Variants in ZNF217 observed in about 807,000 individuals in gnomAD.
ZNF217 encodes the protein zinc finger protein 217.
A neutral mutation model predicts 73.3 loss-of-function variants in ZNF217; 12 were observed. The ratio of observed to expected loss-of-function variants is 0.16; its 90% CI spans 0.10 to 0.27. The LOEUF (loss-of-function observed/expected upper bound fraction) is 0.27, where lower values mean the gene tolerates loss of function less well. Ranked by LOEUF, ZNF217 falls within the 10% of genes least tolerant of loss-of-function variation. The pLI is 1.00. For synonymous variants in ZNF217, 588 were observed against 516.4 expected, an observed-to-expected ratio of 1.14 and a Z score of -1.88; for missense variants, 1,195 against 1,327.8, an observed-to-expected ratio of 0.90 and a Z score of 1.55.
At chr20:53,592,432 G>T (rs13039531) in intron 1 of ZNF217, among the ~76,000 whole-genome samples, 59,045 of 150,898 alleles carry the variant, frequency 0.39, 12,418 homozygotes, top group East Asian at 0.59. Flanking sequence ...CTCTCAGGGC[G>T]GCCCAGATGC....
At position 53,575,904 on chromosome 20, in the gene ZNF217, G is replaced by A; in HGVS notation, c.2860C>T (p.Leu954=). 1 of 1,614,210 alleles carries A rather than the reference G, an allele frequency of 6.2e-7. No homozygotes were observed. Among genetic ancestry groups the A allele is most frequent in the Non-Finnish European group, 8.5e-7 (1 of 1,180,042 alleles). Residue 954 remains leucine (L), a synonymous_variant, in exon 4 of 6, where the codon CTG becomes TTG. Transcript: ENST00000371471. ...KYHMVRGITS[L]LPQDCVYPSQ... ...GGATACACACAGTCCTGCGGTAACAGTGATGTGATGCCTCTGACCATATGG... is the reference window on the plus strand; with the variant it reads ...GGATACACACAGTCCTGCGGTAACAATGATGTGATGCCTCTGACCATATGG...
At position 53,581,793 on chromosome 20, in the gene ZNF217, G is replaced by C; in HGVS notation, c.1034C>G (p.Ser345Trp). The C allele has an allele frequency of 6.2e-7, 1 of 1,614,240 alleles. No individual in the cohort carries two copies. Among genetic ancestry groups the C allele is most frequent in the Non-Finnish European group, 8.5e-7 (1 of 1,180,044 alleles). ...GTGTTTGCACTTCTCTTTCTCTTGC[G>C]AGAGGCCTGCACAACTGCCCTTATT... ...ETNKGSCAGLSQEKEKCKHSH... is the reference protein window; with the variant it reads ...ETNKGSCAGLWQEKEKCKHSH... Residue 345 changes from serine to tryptophan, a missense_variant, in exon 2 of 6, where the codon TCG (serine) becomes TGG (tryptophan). Ser to Trp is a radical substitution (Grantham distance 177). Coordinates refer to ENST00000371471, the MANE Select transcript of ZNF217 (RefSeq NM_006526.3). This position sits in a 1 kb window ranked among gnomAD's most constrained non-coding sequence, Gnocchi z 4.9.
intron 1 of ZNF217, among the ~76,000 whole-genome samples, chr20:53,591,267 G>A (rs975788830): frequency 1.3e-5 from 2 of 152,200 alleles, no homozygotes; most frequent in African/African-American, 4.8e-5. Flanking sequence ...AAAGTGTTGT[G>A]AAGACAAAAG....
chr20:53,593,170 C>G (rs1335857068), intron 1 of ZNF217, among the ~76,000 whole-genome samples: 1 of 152,084 alleles, frequency 6.6e-6, no homozygotes, highest in African/African-American at 2.4e-5. Flanking sequence ...GCGTCGGGGT[C>G]CGCGGCGAGG....
Position 53,581,840 on chromosome 20 carries a change from G to A in ZNF217, c.987C>T (p.Ser329=), listed in dbSNP as rs1043327151. The stretch of plus-strand genomic sequence containing the variant: ...TATTTGTTTCTCCAAGCTCCTTCTC[G>A]GAACTCGAATCGTCGTTGTCGGTGC... The part of the protein sequence containing the change: ...EGSTDNDDSS[S]EKELGETNKG... The change falls in exon 2 of 6, where the codon TCC becomes TCT. Residue 329 remains serine (S), a synonymous_variant. Coordinates refer to ENST00000371471, the MANE Select transcript of ZNF217 (RefSeq NM_006526.3). The surrounding 1 kb of genome is among the most constrained non-coding windows in gnomAD (Gnocchi z 4.9). 2.3e-5 allele frequency: 37 copies of A among 1,614,094 alleles called. No individual in the cohort carries two copies. The highest frequency in any genetic ancestry group is 5.0e-5 in the Admixed American group (3 of 60,012).
chr20:53,581,811 C>T lies in ZNF217; in HGVS notation c.1016G>A (p.Gly339Asp). Residue 339 changes from glycine (G) to aspartate (D), a missense_variant, in exon 2 of 6, where the codon GGC becomes GAC. This residue lies in a region of ZNF217 where 102 missense variants were observed against 91.9 expected (regional missense o/e 1.11). Transcript: ENST00000371471. The surrounding 1 kb of genome is among the most constrained non-coding windows in gnomAD (Gnocchi z 4.9). The part of the protein sequence containing the change: ...SEKELGETNK[G>D]SCAGLSQEKE... The stretch of plus-strand genomic sequence containing the variant: ...CTCTTGCGAGAGGCCTGCACAACTG[C>T]CCTTATTTGTTTCTCCAAGCTCCTT... 6.2e-7 allele frequency: 1 copy of T among 1,614,234 alleles called. No homozygotes were observed. Among genetic ancestry groups the T allele is most frequent in the Non-Finnish European group, 8.5e-7 (1 of 1,180,038 alleles).
At chr20:53,593,106 GCCC>G (rs1988940439) in intron 1 of ZNF217, among the ~76,000 whole-genome samples, 1 of 151,406 alleles carries the variant, frequency 6.6e-6, no homozygotes, top group African/African-American at 2.4e-5. Flanking sequence ...ATGAGCAGGC[GCCC>G]CAAGACTCCC....
rs1988532400 is a variant in ZNF217 at position 53,582,100 on chromosome 20, C to G, written c.727G>C (p.Ala243Pro). The G allele has an allele frequency of 2.5e-6, 4 of 1,614,214 alleles. No individual in the cohort carries two copies. The East Asian group carries it at 8.9e-5, about 36-fold the overall frequency. ...GTCTGCGCGCTGCTGGTACCGAAAG[C>G]AGTTTTTTTGGTGTGCACCTTGCGG... ...EHRKVHTKKT[A>P]FGTSSAQTDS... Residue 243 changes from alanine (A) to proline (P), a missense_variant, in exon 2 of 6, where the codon GCT (alanine) becomes CCT (proline). Ala to Pro is a conservative substitution (Grantham distance 27). Around this residue, in one of 9 missense-constraint regions of ZNF217, gnomAD observed 126 missense variants for 114.4 expected, o/e 1.10. Transcript: ENST00000371471. This position sits in a 1 kb window ranked among gnomAD's most constrained non-coding sequence, Gnocchi z 4.8.
chr20:53,588,738 G>A (rs1473201572), intron 1 of ZNF217, among the ~76,000 whole-genome samples: 1 of 152,122 alleles, frequency 6.6e-6, no homozygotes, highest in African/African-American at 2.4e-5. Context: ...ACAAGCTTAG[G>A]CAATGCCTTT....
intron 1 of ZNF217, 150 bp from the exon 2 acceptor site, chr20:53,583,318 G>A (rs893905225): frequency 1.3e-5 from 5 of 392,242 alleles, no homozygotes; most frequent in African/African-American, 1.0e-4. Context: ...CCTGTTAAAC[G>A]TGCTTGTTAA....
intron 1 of ZNF217, among the ~76,000 whole-genome samples, chr20:53,593,368 G>A (rs1331356319): frequency 1.3e-5 from 2 of 152,064 alleles, no homozygotes; most frequent in Non-Finnish European, 2.9e-5. Flanking sequence ...CGCCCCAAGG[G>A]CCAACTGGGC....
At chr20:53,571,410 C>G (rs1253932541) in intron 5 of ZNF217, among the ~76,000 whole-genome samples, 2 of 119,778 alleles carry the variant, frequency 1.7e-5, no homozygotes, top group Admixed American at 9.1e-5. Context: ...GCCCCCGCCC[C>G]CCCTTTTTTT....
chr20:53,577,447 T>G (rs1216423119), intron 3 of ZNF217, among the ~76,000 whole-genome samples, 167 bp from the exon 4 acceptor site: 3 of 152,240 alleles, frequency 2.0e-5, no homozygotes, highest in Admixed American at 6.5e-5. Flanking sequence ...TAATGAATAT[T>G]TGAAATTATG....
In ZNF217 at chr20:53,569,255, C is replaced by A; in HGVS notation, c.*33G>T. 1 of 1,332,112 alleles carries A rather than the reference C, an allele frequency of 7.5e-7. No homozygotes were observed. 82.5% of individuals were successfully genotyped at this position (1,332,112 alleles called of 1,614,324 possible). ...TTTCATGGGGAGTAAGCACTGACATCCACCAAGACCTAAGGAAAACAACAT... is the reference window on the plus strand; with the variant it reads ...TTTCATGGGGAGTAAGCACTGACATACACCAAGACCTAAGGAAAACAACAT... On this transcript the variant is annotated 3_prime_UTR_variant, in exon 6 of 6. Transcript: ENST00000371471.
chr20:53,591,765 G>A (rs1332019200), intron 1 of ZNF217, among the ~76,000 whole-genome samples: 1 of 152,154 alleles, frequency 6.6e-6, no homozygotes, highest in Non-Finnish European at 1.5e-5. Flanking sequence ...TTATTCCTCT[G>A]CACTTGTCAC....
intron 1 of ZNF217, among the ~76,000 whole-genome samples, chr20:53,585,568 T>C (rs1021907746): frequency 6.6e-6 from 1 of 152,116 alleles, no homozygotes; most frequent in African/African-American, 2.4e-5. Context: ...AGAAATATGA[T>C]GGAGTGTTAT....
chr20:53,574,775 C>T (rs1268999309), intron 4 of ZNF217: 1 of 104,996 alleles, frequency 9.5e-6, no homozygotes, highest in Non-Finnish European at 1.8e-5. Context: ...GGCTGGGCAA[C>T]AAGAGCAAAA....
At position 53,576,321 on chromosome 20, in the gene ZNF217, G is replaced by A; in HGVS notation, c.2443C>T (p.Pro815Ser). ...TSGIDSSTLAPSNLKSHRPQQ... is the reference protein window; with the variant it reads ...TSGIDSSTLASSNLKSHRPQQ... ...GGTCTGTGGGACTTCAGGTTACTTG[G>A]GGCTAAAGTGCTAGAGTCTATCCCT... is the stretch of plus-strand genomic sequence containing the variant. Residue 815 changes from proline (P) to serine (S), a missense_variant, in exon 4 of 6, where the codon CCA becomes TCA. Around this residue, in one of 9 missense-constraint regions of ZNF217, gnomAD observed 649 missense variants for 642.8 expected, o/e 1.01. Transcript: ENST00000371471. The A allele has an allele frequency of 6.2e-7, 1 of 1,614,168 alleles. No homozygotes were observed. Among genetic ancestry groups the A allele is most frequent in the South Asian group, 1.1e-5 (1 of 91,080 alleles).
Position 53,575,919 on chromosome 20 carries a change from T to G in ZNF217, c.2845A>C (p.Arg949=). The stretch of plus-strand genomic sequence containing the variant: ...TGCGGTAACAGTGATGTGATGCCTC[T>G]GACCATATGGTACTTGGGAAGGTCA... ...GYDLPKYHMV[R]GITSLLPQDC... The change falls in exon 4 of 6, where the codon AGA becomes CGA. Residue 949 remains arginine (R), a synonymous_variant. Transcript: ENST00000371471. 6.2e-7 allele frequency: 1 copy of G among 1,614,216 alleles called. No individual in the cohort carries two copies. The highest frequency in any genetic ancestry group is 1.1e-5 in the South Asian group (1 of 91,090).
Sources: gnomAD v4.1 joint callset for allele counts (sites outside exome capture counted in the v4.1 genomes callset) on GRCh38, gnomAD v4.1.1 for gene constraint, gnomAD v4.1.1 regional missense constraint, Gnocchi (gnomAD v3.1) non-coding constraint, MANE v1.5 for transcripts, NCBI Gene and HGNC (gene_info 2026-07-23, HGNC 2026-07-21) for gene names.